Variants in CAST observed in about 807,000 individuals in gnomAD.
CAST encodes the protein calpastatin.
In CAST, 76 loss-of-function variants were observed where a neutral mutation model predicts 119.6. The observed-to-expected ratio is 0.64, with a 90% CI of 0.53 to 0.77. The LOEUF (loss-of-function observed/expected upper bound fraction) is 0.77. CAST is among the 30% of genes least tolerant of loss of function. The pLI, the probability that CAST is intolerant of heterozygous loss-of-function variation, is 0.00. For missense variants in CAST, 953 were observed against 946.5 expected, an observed-to-expected ratio of 1.01 and a Z score of -0.09; for synonymous variants, 319 against 331.6, an observed-to-expected ratio of 0.96 and a Z score of 0.41.
the CAST span, among the ~76,000 whole-genome samples, chr5:96,237,354 A>C: frequency 1.2e-4 from 18 of 152,288 alleles, no homozygotes; most frequent in Middle Eastern, 3.4e-3. Flanking sequence ...AGTCTTATTC[A>C]AATGTGAGTT....
the CAST span, among the ~76,000 whole-genome samples, chr5:96,009,676 A>G: frequency 6.6e-6 from 1 of 151,942 alleles, no homozygotes; most frequent in Non-Finnish European, 1.5e-5. Flanking sequence ...GAAGTTCCTT[A>G]TAGATTCTGG....
At chr5:96,107,892 G>A in the CAST span, among the ~76,000 whole-genome samples, 1 of 152,030 alleles carries the variant, frequency 6.6e-6, no homozygotes, top group Non-Finnish European at 1.5e-5. Context: ...TTTTCACATA[G>A]TCCCATATTT....
the CAST span, among the ~76,000 whole-genome samples, chr5:96,291,047 G>A: frequency 1.3e-5 from 2 of 152,164 alleles, no homozygotes; most frequent in African/African-American, 4.8e-5. Flanking sequence ...GAACAACTGA[G>A]GCTCTCCACC....
the CAST span, among the ~76,000 whole-genome samples, chr5:96,284,419 C>G: frequency 1.3e-5 from 2 of 152,100 alleles, no homozygotes; most frequent in Admixed American, 1.3e-4. Flanking sequence ...ACCACAACAC[C>G]CCTGCAGCTA....
chr5:96,520,004 C>T, the CAST span, among the ~76,000 whole-genome samples: 1 of 152,086 alleles, frequency 6.6e-6, no homozygotes, highest in Non-Finnish European at 1.5e-5. Context: ...TATTTAAATC[C>T]CTTTTTGGAA....
chr5:96,140,316 G>T, the CAST span, among the ~76,000 whole-genome samples: 1 of 152,192 alleles, frequency 6.6e-6, no homozygotes, highest in Non-Finnish European at 1.5e-5. Context: ...GAGCTATTTG[G>T]GTGCCAGGAA....
chr5:96,628,593 C>T (rs557936844), intron 1 of CAST, among the ~76,000 whole-genome samples: 9 of 152,304 alleles, frequency 5.9e-5, no homozygotes, highest in Middle Eastern at 3.4e-3. Flanking sequence ...CTGCCCCAAG[C>T]TTGTCTCTGC....
chr5:96,663,399 A>C (rs1225273662), intron 1 of CAST, among the ~76,000 whole-genome samples: 3 of 151,904 alleles, frequency 2.0e-5, no homozygotes, highest in Non-Finnish European at 4.4e-5. Flanking sequence ...CGGCGCATGC[A>C]CCTCTCTCGC....
the CAST span, among the ~76,000 whole-genome samples, chr5:96,150,973 T>A: frequency 1.2e-4 from 19 of 152,160 alleles, no homozygotes; most frequent in Admixed American, 1.1e-3. Context: ...AATCCACAAC[T>A]ACAAAGATGG....
the CAST span, among the ~76,000 whole-genome samples, chr5:96,495,838 A>C: frequency 6.6e-6 from 1 of 152,340 alleles, no homozygotes; most frequent in South Asian, 2.1e-4. Context: ...CTGTGGGAAG[A>C]TTTGAAAATT....
At chr5:96,427,753 T>A in the CAST span, among the ~76,000 whole-genome samples, 4 of 152,210 alleles carry the variant, frequency 2.6e-5, no homozygotes, top group Non-Finnish European at 2.9e-5. Flanking sequence ...GAGTTCTATG[T>A]GCATTAATGG....
At chr5:96,721,059 G>A (rs1235343093) in intron 3 of CAST, among the ~76,000 whole-genome samples, 1 of 152,126 alleles carries the variant, frequency 6.6e-6, no homozygotes, top group Non-Finnish European at 1.5e-5. Flanking sequence ...GGAAAAATAT[G>A]GATATTCATA....
chr5:96,183,362 T>G, the CAST span, among the ~76,000 whole-genome samples: 1 of 151,790 alleles, frequency 6.6e-6, no homozygotes, highest in Non-Finnish European at 1.5e-5. Flanking sequence ...TTATTAAAAA[T>G]GTTATTTAAA....
chr5:96,324,496 A>G, the CAST span, among the ~76,000 whole-genome samples: 3 of 152,204 alleles, frequency 2.0e-5, no homozygotes, highest in Non-Finnish European at 4.4e-5. Context: ...CATGAGACAT[A>G]TCAGTTCATT....
At chr5:96,025,543 G>A in the CAST span, among the ~76,000 whole-genome samples, 1 of 152,212 alleles carries the variant, frequency 6.6e-6, no homozygotes, top group East Asian at 1.9e-4. Flanking sequence ...TCTTCTATGT[G>A]CAAAACATGG....
the CAST span, chr5:96,410,707 G>A: frequency 1.4e-5 from 18 of 1,255,284 alleles, no homozygotes; most frequent in Non-Finnish European, 2.0e-5. Context: ...GTCAGTTAGG[G>A]GAATCATTTC....
rs899349917 is a variant in CAST, at chr5:96,535,816, T to G, written c.60+5936T>G. On this transcript the variant is annotated intron_variant, in intron 1 of 11. Coordinates refer to the CAST transcript ENST00000505143. ...TCTCGATCTCCTGACCTCGTGATCC[T>G]CCCGCCTCGGCCTCCCAAAGTGCTG... 4.0e-5 allele frequency among the ~76,000 whole-genome samples: 6 copies of G among 150,520 alleles called. No individual in the cohort carries two copies. In the South Asian group the frequency reaches 6.3e-4, roughly 16 times the overall value.
chr5:96,630,801 A>G (rs2150201757), intron 1 of CAST, among the ~76,000 whole-genome samples: 1 of 152,032 alleles, frequency 6.6e-6, no homozygotes, highest in South Asian at 2.1e-4. Context: ...AAAATAAAAT[A>G]ATGAAGTATC....
At chr5:96,709,812 C>G (rs933150860) in intron 3 of CAST, among the ~76,000 whole-genome samples, 2 of 152,284 alleles carry the variant, frequency 1.3e-5, no homozygotes, top group East Asian at 3.9e-4. Flanking sequence ...TTGAAAATTG[C>G]ATCCTGTTTT....
Sources: gnomAD v4.1 joint callset for allele counts (sites outside exome capture counted in the v4.1 genomes callset) on GRCh38, gnomAD v4.1.1 for gene constraint, MANE v1.5 for transcripts, NCBI Gene and HGNC (gene_info 2026-07-23, HGNC 2026-07-21) for gene names.